The following RXFP1 variants were observed in gnomAD, a reference collection of about 807,000 sequenced individuals.
RXFP1 encodes relaxin receptor 1.
RXFP1 carries 73 observed loss-of-function variants against 89.8 expected under a neutral mutation model. The observed-to-expected ratio is 0.81, with a 90% CI of 0.67 to 0.99. The LOEUF (loss-of-function observed/expected upper bound fraction) is 0.99, where lower values mean the gene tolerates loss of function less well. Among genes scored for constraint, RXFP1 ranks in the 50% least tolerant of loss-of-function variants. The pLI is 0.00. For synonymous variants in RXFP1, 277 were observed against 305.5 expected (o/e 0.91, Z 0.97); for missense variants, 793 against 895.5 (o/e 0.89, Z 1.46).
At chr4:158,570,427 G>T (rs868801448) in intron 1 of RXFP1, among the ~76,000 whole-genome samples, 97 of 152,148 alleles carry the variant, frequency 6.4e-4, no homozygotes, top group African/African-American at 2.3e-3. Context: ...AGGCAAATGA[G>T]CTATCTTTAT....
chr4:158,553,549 G>A (rs1004799624), intron 1 of RXFP1, among the ~76,000 whole-genome samples: 2 of 152,132 alleles, frequency 1.3e-5, no homozygotes, highest in African/African-American at 4.8e-5. Context: ...GGTGACCCGT[G>A]GAGAGATGCA....
chr4:158,620,056 C>G (rs1196597494), intron 9 of RXFP1, among the ~76,000 whole-genome samples: 2 of 152,074 alleles, frequency 1.3e-5, no homozygotes, highest in Non-Finnish European at 2.9e-5. Context: ...AACTTCCAAA[C>G]AGAGACATTA....
At chr4:158,617,313 T>G in intron 9 of RXFP1, 108 bp downstream of exon 9, 1 of 741,624 alleles carries the variant, frequency 1.3e-6, no homozygotes, top group South Asian at 2.0e-5. Flanking sequence ...GATAAGGGTT[T>G]TAGTATCATA....
intron 16 of RXFP1, among the ~76,000 whole-genome samples, chr4:158,647,795 A>T (rs909658452): frequency 1.3e-5 from 2 of 152,124 alleles, no homozygotes; most frequent in African/African-American, 4.8e-5. Flanking sequence ...AGGCGGGCCA[A>T]TCATAAGGTC....
intron 1 of RXFP1, among the ~76,000 whole-genome samples, chr4:158,526,150 T>G (rs141396010): frequency 2.6e-5 from 4 of 152,370 alleles, no homozygotes; most frequent in African/African-American, 9.6e-5. Flanking sequence ...TCTCCTCTAA[T>G]GAGCTGGTGC....
At chr4:158,524,614 T>C (rs1424143582) in intron 1 of RXFP1, among the ~76,000 whole-genome samples, 1 of 152,226 alleles carries the variant, frequency 6.6e-6, no homozygotes, top group Admixed American at 6.5e-5. Context: ...ATTAATTGTA[T>C]TGTGCCAATG....
intron 11 of RXFP1, among the ~76,000 whole-genome samples, chr4:158,632,395 C>T (rs187456953): frequency 1.3e-5 from 2 of 152,290 alleles, no homozygotes; most frequent in East Asian, 3.9e-4. Context: ...ATTCATTCTC[C>T]TACCTATCCC....
At chr4:158,558,249 T>C (rs1443698409) in intron 1 of RXFP1, among the ~76,000 whole-genome samples, 1 of 152,238 alleles carries the variant, frequency 6.6e-6, no homozygotes. Context: ...CTGTGTGCTC[T>C]AATGCTTGGT....
rs1770631272 is a variant in RXFP1, at chr4:158,642,776, C to G, written c.1116-2133C>G. Among the ~76,000 whole-genome samples, 4 of 152,174 alleles carry G rather than the reference C, an allele frequency of 2.6e-5. No individual in the cohort carries two copies. In the South Asian group the frequency reaches 6.2e-4, roughly 24 times the overall value. On this transcript the variant is annotated intron_variant, in intron 14 of 17. Transcript: ENST00000307765. ...ATGGGGTAATTCCTGAGGTTTGTTG[C>G]CTCACGCCAAGGAAATTAAGGACGT...
At chr4:158,584,040 C>T (rs1013433637) in intron 2 of RXFP1, among the ~76,000 whole-genome samples, 2 of 152,196 alleles carry the variant, frequency 1.3e-5, no homozygotes, top group Non-Finnish European at 2.9e-5. Context: ...CACCTCTGCT[C>T]TTGTGGGTAA....
At chr4:158,580,944 C>T (rs758435698) in intron 2 of RXFP1, among the ~76,000 whole-genome samples, 3 of 152,098 alleles carry the variant, frequency 2.0e-5, no homozygotes, top group Non-Finnish European at 4.4e-5. Context: ...ATTACAGGCA[C>T]CTGCCACCAC....
At chr4:158,529,398 A>G (rs1743440550) in intron 1 of RXFP1, among the ~76,000 whole-genome samples, 1 of 151,980 alleles carries the variant, frequency 6.6e-6, no homozygotes, top group African/African-American at 2.4e-5. Flanking sequence ...AGCTGGTACC[A>G]CAGGTGCATG....
Position 158,628,643 on chromosome 4 carries a change from T to A in RXFP1, c.833T>A (p.Met278Lys). ...ATTTTTCTTTTTACTTTCAGAGTGA[T>A]GAGGAAAAACAAAATTAATCACTTA... ...ISCSNLTVLV[M>K]RKNKINHLNE... The change falls in exon 11 of 18, where the codon ATG (methionine) becomes AAG (lysine). Residue 278 changes from methionine to lysine, a missense_variant. Physicochemically the swap from Met to Lys is moderately conservative, Grantham distance 95 (BLOSUM62 -1). Coordinates refer to ENST00000307765, the MANE Select transcript of RXFP1 (RefSeq NM_021634.4). 1 of 1,523,868 alleles carries A rather than the reference T, an allele frequency of 6.6e-7. No homozygotes were observed. The highest frequency in any genetic ancestry group is 9.1e-7 in the Non-Finnish European group (1 of 1,103,538). 94.4% of individuals were successfully genotyped at this position (1,523,868 alleles called of 1,614,324 possible). A position where few individuals can be genotyped will look rare whatever the true frequency, so the allele number is the denominator to read the frequency against.
chr4:158,592,224 A>C (rs1759621041), intron 2 of RXFP1, among the ~76,000 whole-genome samples: 1 of 152,190 alleles, frequency 6.6e-6, no homozygotes, highest in South Asian at 2.1e-4. Flanking sequence ...GGTGCCTTTC[A>C]AAAAAGAAAA....
At chr4:158,590,154 T>C (rs1759136569) in intron 2 of RXFP1, among the ~76,000 whole-genome samples, 1 of 152,082 alleles carries the variant, frequency 6.6e-6, no homozygotes, top group Admixed American at 6.6e-5. Context: ...GATACATCAG[T>C]CCTAAGCTAA....
At chr4:158,527,564 A>AAAAAAATATATATATATATATAT (rs5741905) in intron 1 of RXFP1, among the ~76,000 whole-genome samples, 14 of 98,326 alleles carry the variant, frequency 1.4e-4, no homozygotes, top group African/African-American at 4.9e-4. Context: ...AAAAAAAAAA[A>AAAAAAATATATATATATATATAT]ATATATATAT....
rs56692438 is a variant in RXFP1 at position 158,623,502 on chromosome 4, C to CAAAAAAAAAAAAAAAAAAAAAAAAAA, written c.756-3294_756-3293insAAAAAAAAAAAAAAAAAAAAAAAAAA. 7.7e-4 allele frequency among the ~76,000 whole-genome samples: 33 copies of CAAAAAAAAAAAAAAAAAAAAAAAAAA among 42,628 alleles called. 1 individual carries two copies. The highest frequency in any genetic ancestry group is 1.2e-3 in the South Asian group (1 of 824). The allele number at this position is 42,628 out of a possible 152,430, so 28.0% of individuals were successfully genotyped here. A position where few individuals can be genotyped will look rare whatever the true frequency, so the allele number is the denominator to read the frequency against. On this transcript the variant is annotated intron_variant, in intron 9 of 17. Coordinates refer to ENST00000307765, the MANE Select transcript of RXFP1 (RefSeq NM_021634.4). ...GGGCAACAAGAGTGAAACTCCATCT[C>CAAAAAAAAAAAAAAAAAAAAAAAAAA]AAAAAAAAAAAAAAAAAAAAAAAAG...
intron 12 of RXFP1, among the ~76,000 whole-genome samples, chr4:158,637,342 T>A (rs77472952): frequency 1.9e-3 from 291 of 152,316 alleles, no homozygotes; most frequent in African/African-American, 6.5e-3. Context: ...ATGGTTGTAC[T>A]AATTTATATT....
chr4:158,632,984 A>G (rs1329864726), intron 11 of RXFP1, among the ~76,000 whole-genome samples: 1 of 152,170 alleles, frequency 6.6e-6, no homozygotes, highest in Non-Finnish European at 1.5e-5. Context: ...AACCTGGCCA[A>G]CATAGTGAAA....
Sources: allele counts gnomAD v4.1 joint callset (sites outside exome capture counted in the v4.1 genomes callset), GRCh38; gene constraint gnomAD v4.1.1; transcripts MANE v1.5; gene names NCBI Gene and HGNC (gene_info 2026-07-23, HGNC 2026-07-21).